DRICH1: variants seen among roughly 807,000 people sequenced by gnomAD.
DRICH1 encodes aspartate rich 1.
Under a neutral mutation model 39.5 loss-of-function variants are expected in DRICH1, and 38 were observed. The observed-to-expected ratio is 0.96, with a 90% CI of 0.74 to 1.26. The LOEUF is 1.26. Ranked by LOEUF, DRICH1 falls within the 50% of genes most tolerant of loss-of-function variation. DRICH1 has a pLI of 0.00. For synonymous variants in DRICH1, 84 were observed against 99.5 expected, an observed-to-expected ratio of 0.84 and a Z score of 0.93; for missense variants, 279 against 270.4, an observed-to-expected ratio of 1.03 and a Z score of -0.22.
At chr22:23,608,792 T>G in intron 11 of DRICH1, 24 bp from the exon 12 acceptor site, 1 of 1,557,534 alleles carries the variant, frequency 6.4e-7, no homozygotes, top group Non-Finnish European at 8.7e-7. Context: ...TAATCCCTTT[T>G]TAGTGAGAGC....
chr22:23,609,001 A>AC (rs1003765318), intron 11 of DRICH1, among the ~76,000 whole-genome samples: 2 of 152,136 alleles, frequency 1.3e-5, no homozygotes, highest in Admixed American at 1.3e-4. Flanking sequence ...CCTGAGCCCC[A>AC]CACCCTTGCC....
At chr22:23,629,040 TTTTG>T (rs35581199) in intron 1 of DRICH1, among the ~76,000 whole-genome samples, 22 of 151,684 alleles carry the variant, frequency 1.5e-4, no homozygotes, top group East Asian at 1.4e-3. Flanking sequence ...TAATTTTTTG[TTTTG>T]TTTGTTTGTT....
the DRICH1 span, among the ~76,000 whole-genome samples, chr22:23,582,118 T>G: frequency 1.3e-5 from 2 of 150,856 alleles, no homozygotes; most frequent in Non-Finnish European, 2.9e-5. Context: ...TAGCTGGGAT[T>G]ACAGGCGCCC....
chr22:23,620,750 C>T (rs1927675074), intron 4 of DRICH1, 135 bp from the exon 5 acceptor site: 1 of 972,946 alleles, frequency 1.0e-6, no homozygotes, highest in Non-Finnish European at 1.6e-6. Context: ...AAAGGCCAAA[C>T]ATTCTAGCAT....
rs1920999830 is a variant in DRICH1 at position 23,632,082 on chromosome 22, T to A, written c.-59A>T. On this transcript the variant is annotated 5_prime_UTR_variant, in exon 1 of 12. Coordinates refer to ENST00000317749, the MANE Select transcript of DRICH1 (RefSeq NM_016449.4). The stretch of plus-strand genomic sequence containing the variant: ...GCCTTCAGCGAAATTGTAACTGTGC[T>A]GCCCTAGCAGCCACACTACTGAGGG... The A allele has an allele frequency of 6.2e-7, 1 of 1,604,904 alleles. No homozygotes were observed. The highest frequency in any genetic ancestry group is 1.1e-5 in the South Asian group (1 of 90,290).
At position 23,613,280 on chromosome 22, in the gene DRICH1, G is replaced by C; in HGVS notation, c.685+9C>G. On this transcript the variant is annotated intron_variant, in intron 11 of 11. Transcript: ENST00000317749. Reference sequence around the variant, plus strand: ...CCCATTGGGTTTTTGCTGGCACGTAGTTCCCTACCTGGATGAATCTCTTCA... The same window carrying C: ...CCCATTGGGTTTTTGCTGGCACGTACTTCCCTACCTGGATGAATCTCTTCA... 1.2e-6 allele frequency: 2 copies of C among 1,611,100 alleles called. No homozygotes were observed. The highest frequency in any genetic ancestry group is 1.7e-6 in the Non-Finnish European group (2 of 1,178,244).
intron 2 of DRICH1, among the ~76,000 whole-genome samples, 191 bp downstream of exon 2, chr22:23,625,790 C>T (rs1419331859): frequency 6.6e-6 from 1 of 152,120 alleles, no homozygotes; most frequent in African/African-American, 2.4e-5. Context: ...GACCTGCACA[C>T]TCGGGGATAA....
intron 6 of DRICH1, among the ~76,000 whole-genome samples, chr22:23,618,810 G>A (rs1390697117): frequency 6.6e-6 from 1 of 152,092 alleles, no homozygotes; most frequent in Non-Finnish European, 1.5e-5. Flanking sequence ...GTGATTTTTG[G>A]TTAACTAGCT....
At chr22:23,589,556 A>T in the DRICH1 span, among the ~76,000 whole-genome samples, 1 of 152,162 alleles carries the variant, frequency 6.6e-6, no homozygotes, top group African/African-American at 2.4e-5. Flanking sequence ...ATAATAAAAA[A>T]TTTAAAAGTA....
In DRICH1 at chr22:23,613,446, T is replaced by C. The variant is rs1335523009; in HGVS notation, c.644-116A>G. 4.1e-6 allele frequency: 4 copies of C among 973,740 alleles called. No homozygotes were observed. The African/African-American group carries it at 4.8e-5, about 12-fold the overall frequency. The allele number at this position is 973,740 out of a possible 1,614,324, so 60.3% of individuals were successfully genotyped here. On this transcript the variant is annotated intron_variant, in intron 10 of 11. Transcript: ENST00000317749. ...TAGTCTCCCACTCCATGCTGCTTCA[T>C]ACATGATCCCCTAATCTTTCTTCTG...
rs954543626 is a variant in DRICH1 at position 23,608,574 on chromosome 22, G to A, written c.*190C>T. 6.7e-6 allele frequency: 4 copies of A among 597,304 alleles called. No homozygotes were observed. The highest frequency in any genetic ancestry group is 6.0e-6 in the Non-Finnish European group (2 of 332,450). 37.0% of individuals were successfully genotyped at this position (597,304 alleles called of 1,614,324 possible). A position where few individuals can be genotyped will look rare whatever the true frequency, so the allele number is the denominator to read the frequency against. On this transcript the variant is annotated 3_prime_UTR_variant, in exon 12 of 12. Coordinates refer to ENST00000317749, the MANE Select transcript of DRICH1 (RefSeq NM_016449.4). ...CCAGGCCCAGAAGCACTGGGTCCTG[G>A]ATGGTACAGGCCAAACCTAGTGCTG...
chr22:23,583,633 G>T, the DRICH1 span, among the ~76,000 whole-genome samples: 6 of 152,268 alleles, frequency 3.9e-5, no homozygotes, highest in Admixed American at 3.9e-4. Context: ...CTGCATGCCA[G>T]ACAGCTCCCG....
At chr22:23,603,932 T>C (rs1357125795), downstream of DRICH1, among the ~76,000 whole-genome samples, 3 of 152,122 alleles carry the variant, frequency 2.0e-5, no homozygotes, top group African/African-American at 7.2e-5. Flanking sequence ...CTTGGGCATT[T>C]TGTTTAAAAT....
At chr22:23,615,312 G>A (rs1927289163) in intron 8 of DRICH1, among the ~76,000 whole-genome samples, 1 of 152,188 alleles carries the variant, frequency 6.6e-6, no homozygotes, top group African/African-American at 2.4e-5. Flanking sequence ...GGAGGCAGAG[G>A]TTGCAGTGAG....
In DRICH1 at chr22:23,624,447, T is replaced by C. The variant is rs115805372; in HGVS notation, c.298+436A>G. The C allele has an allele frequency of 3.0e-3, 2,103 of 697,526 alleles. 44 individuals carry two copies. In the African/African-American group the frequency reaches 0.037, roughly 12 times the overall value. 43.2% of individuals were successfully genotyped at this position (697,526 alleles called of 1,614,324 possible). A position where few individuals can be genotyped will look rare whatever the true frequency, so the allele number is the denominator to read the frequency against. ...TAACAAACTCAGCTTCTATTTACTT[T>C]TTCTTTTTCTGTTTCTACACCCTCC... On this transcript the variant is annotated intron_variant, in intron 3 of 11. Coordinates refer to ENST00000317749, the MANE Select transcript of DRICH1 (RefSeq NM_016449.4).
At chr22:23,609,491 T>A (rs1285235245) in intron 11 of DRICH1, among the ~76,000 whole-genome samples, 1 of 152,162 alleles carries the variant, frequency 6.6e-6, no homozygotes, top group Non-Finnish European at 1.5e-5. Flanking sequence ...TGCAGGTGCC[T>A]GGGGTCTTGT....
chr22:23,622,818 T>TC (rs757333187), intron 3 of DRICH1, among the ~76,000 whole-genome samples: 39 of 152,286 alleles, frequency 2.6e-4, no homozygotes, highest in Admixed American at 5.2e-4. Context: ...TGTGTCACTC[T>TC]CCCTCAGGAG....
At position 23,608,657 on chromosome 22, in the gene DRICH1, T is replaced by G. The variant is rs1926865449; in HGVS notation, c.*107A>C. On this transcript the variant is annotated 3_prime_UTR_variant, in exon 12 of 12. Transcript: ENST00000317749. ...TCTCTGCTGGGACCAAGAGTTTTCCTCAGAATGTAGAGAGGATTGAGACCT... is the reference window on the plus strand; with the variant it reads ...TCTCTGCTGGGACCAAGAGTTTTCCGCAGAATGTAGAGAGGATTGAGACCT... The G allele has an allele frequency of 8.7e-7, 1 of 1,146,510 alleles. No individual in the cohort carries two copies. Among genetic ancestry groups the G allele is most frequent in the Non-Finnish European group, 1.3e-6 (1 of 782,612 alleles). 71.0% of individuals were successfully genotyped at this position (1,146,510 alleles called of 1,614,324 possible).
chr22:23,608,844 A>G lies in DRICH1; in HGVS notation c.686-76T>C, dbSNP rs1426944136. 63 of 1,486,020 alleles carry G rather than the reference A, an allele frequency of 4.2e-5. No homozygotes were observed. The South Asian group carries it at 7.5e-4, about 18-fold the overall frequency. 92.1% of individuals were successfully genotyped at this position (1,486,020 alleles called of 1,614,324 possible). A position where few individuals can be genotyped will look rare whatever the true frequency, so the allele number is the denominator to read the frequency against. ...GCACTATGACATCATCCCACTAAGC[A>G]GCCTCCACGCCAGCATCCCTGGGCT... On this transcript the variant is annotated intron_variant, in intron 11 of 11. Coordinates refer to ENST00000317749, the MANE Select transcript of DRICH1 (RefSeq NM_016449.4).
Sources: gnomAD v4.1 joint callset for allele counts (sites outside exome capture counted in the v4.1 genomes callset) on GRCh38, gnomAD v4.1.1 for gene constraint, MANE v1.5 for transcripts, NCBI Gene and HGNC (gene_info 2026-07-23, HGNC 2026-07-21) for gene names.